STARD13: variants seen among roughly 807,000 people sequenced by gnomAD.
The protein encoded by STARD13 is StAR related lipid transfer domain containing 13.
A neutral mutation model predicts 106.4 loss-of-function variants in STARD13; 62 were observed. The observed-to-expected ratio is 0.58, with a 90% CI of 0.48 to 0.72. STARD13 has a LOEUF of 0.72. STARD13 is among the 30% of genes least tolerant of loss of function. The pLI is 0.00. For synonymous variants in STARD13, 565 were observed against 553.0 expected (o/e 1.02, Z -0.31); for missense variants, 1,387 against 1,424.0 (o/e 0.97, Z 0.42).
chr13:33,571,221 A>G, the STARD13 span, among the ~76,000 whole-genome samples: 4 of 152,196 alleles, frequency 2.6e-5, no homozygotes, highest in Non-Finnish European at 5.9e-5. Context: ...CGAGAATAAC[A>G]AGTAGAATTA....
intron 1 of STARD13, among the ~76,000 whole-genome samples, chr13:33,203,413 G>A (rs950698128): frequency 9.2e-5 from 14 of 152,026 alleles, no homozygotes; most frequent in African/African-American, 3.1e-4. Context: ...GATGTGTGTG[G>A]GTATATGCAT....
intron 1 of STARD13, among the ~76,000 whole-genome samples, chr13:33,284,261 C>G (rs1399992463): frequency 6.6e-6 from 1 of 152,198 alleles, no homozygotes; most frequent in Admixed American, 6.5e-5. Context: ...TGAACCTTTA[C>G]AAACAAATCC....
the STARD13 span, among the ~76,000 whole-genome samples, chr13:33,659,510 A>G: frequency 9.1e-4 from 139 of 152,334 alleles, no homozygotes; most frequent in Non-Finnish European, 1.6e-3. Context: ...CACTGCTCCC[A>G]GCCAACCTGT....
At chr13:33,209,971 TG>T (rs1887629455) in intron 1 of STARD13, among the ~76,000 whole-genome samples, 1 of 152,048 alleles carries the variant, frequency 6.6e-6, no homozygotes, top group African/African-American at 2.4e-5. Flanking sequence ...GATCCTGTCT[TG>T]AAAAACAAAC....
chr13:33,332,302 T>A (rs1945768932), intron 1 of STARD13, among the ~76,000 whole-genome samples: 1 of 152,112 alleles, frequency 6.6e-6, no homozygotes, highest in Non-Finnish European at 1.5e-5. Flanking sequence ...CAACACCACT[T>A]CTCCAGAGAG....
chr13:33,216,812 G>A (rs947652072), intron 1 of STARD13, among the ~76,000 whole-genome samples: 5 of 152,120 alleles, frequency 3.3e-5, no homozygotes, highest in Admixed American at 1.3e-4. Flanking sequence ...GAGAATGACC[G>A]CATTGTCTAA....
intron 1 of STARD13, among the ~76,000 whole-genome samples, chr13:33,282,486 T>C (rs993218631): frequency 1.3e-5 from 2 of 152,212 alleles, no homozygotes; most frequent in African/African-American, 4.8e-5. Flanking sequence ...CGCCATTCAA[T>C]GATTATCTCA....
chr13:33,382,601 A>C, the STARD13 span, among the ~76,000 whole-genome samples: 1 of 152,218 alleles, frequency 6.6e-6, no homozygotes, highest in Non-Finnish European at 1.5e-5. Context: ...TAAACAAATA[A>C]ACATGGATTC....
intron 1 of STARD13, among the ~76,000 whole-genome samples, chr13:33,228,967 A>T (rs1245506636): frequency 1.3e-5 from 2 of 152,214 alleles, no homozygotes; most frequent in Non-Finnish European, 2.9e-5. Context: ...GAAACTACTC[A>T]TATGTAACCA....
chr13:33,295,857 T>C (rs1892470621), intron 1 of STARD13, among the ~76,000 whole-genome samples: 1 of 152,012 alleles, frequency 6.6e-6, no homozygotes, highest in South Asian at 2.1e-4. Context: ...AGAAAAAAAC[T>C]GCATAAATAC....
At chr13:33,229,858 C>T (rs77418149) in intron 1 of STARD13, among the ~76,000 whole-genome samples, 9,791 of 152,310 alleles carry the variant, frequency 0.064, 362 homozygotes, top group Middle Eastern at 0.14. Flanking sequence ...AAAGGCAGCT[C>T]TCTTTGTTGT....
the STARD13 span, among the ~76,000 whole-genome samples, chr13:33,670,079 A>G: frequency 6.6e-6 from 1 of 152,152 alleles, no homozygotes; most frequent in Non-Finnish European, 1.5e-5. Context: ...TTGGCTGATC[A>G]TTTGGGCTGC....
At chr13:33,180,944 AGTC>A (rs1213806810) in intron 1 of STARD13, among the ~76,000 whole-genome samples, 1 of 152,176 alleles carries the variant, frequency 6.6e-6, no homozygotes, top group Non-Finnish European at 1.5e-5. Flanking sequence ...ATTTAGATGA[AGTC>A]TATCTTGCTC....
At chr13:33,392,461 G>A in the STARD13 span, among the ~76,000 whole-genome samples, 7 of 152,054 alleles carry the variant, frequency 4.6e-5, no homozygotes, top group South Asian at 2.1e-4. Flanking sequence ...GTGCAGTGGC[G>A]CTATCTCAGC....
chr13:33,585,536 G>T, the STARD13 span, among the ~76,000 whole-genome samples: 1 of 152,040 alleles, frequency 6.6e-6, no homozygotes, highest in Non-Finnish European at 1.5e-5. Flanking sequence ...TCTAGAAAAA[G>T]TACAAAAATT....
chr13:33,280,492 C>A (rs774313632), intron 1 of STARD13: 4 of 152,154 alleles, frequency 2.6e-5, no homozygotes, highest in Non-Finnish European at 5.9e-5. Context: ...AAGAGGCACA[C>A]ACACGGACTT....
the STARD13 span, among the ~76,000 whole-genome samples, chr13:33,435,515 C>T: frequency 1.3e-5 from 2 of 152,082 alleles, no homozygotes; most frequent in African/African-American, 4.8e-5. Context: ...CACTTTGATG[C>T]TTTCTTTTTG....
chr13:33,675,459 G>T, the STARD13 span, among the ~76,000 whole-genome samples: 2 of 152,100 alleles, frequency 1.3e-5, no homozygotes, highest in African/African-American at 4.8e-5. Context: ...ATGTCCTTTG[G>T]GGTTCACCTA....
chr13:33,143,645 C>T (rs1880142378), intron 3 of STARD13, among the ~76,000 whole-genome samples: 1 of 152,198 alleles, frequency 6.6e-6, no homozygotes. Context: ...ACTCTGCCTC[C>T]CAGGCTCGAG....
Sources: gnomAD v4.1 joint callset for allele counts (sites outside exome capture counted in the v4.1 genomes callset) on GRCh38, gnomAD v4.1.1 for gene constraint, MANE v1.5 for transcripts, NCBI Gene and HGNC (gene_info 2026-07-23, HGNC 2026-07-21) for gene names.